Variants in PHACTR2 observed in about 807,000 individuals in gnomAD.
PHACTR2 encodes phosphatase and actin regulator 2.
In PHACTR2, 30 loss-of-function variants were observed where a neutral mutation model predicts 76.0. That is an observed-to-expected ratio of 0.39 (90% CI 0.30 to 0.54). The LOEUF is 0.54. PHACTR2 is among the 20% of genes least tolerant of loss of function. The pLI is 0.61. For missense variants in PHACTR2, 696 were observed against 781.1 expected (o/e 0.89, Z 1.30); for synonymous variants, 292 against 292.5 (o/e 1.00, Z 0.02).
In PHACTR2 at chr6:143,776,101, C is replaced by T. The variant is rs147327998; in HGVS notation, c.1590-1227C>T. ...TACCACTGCACACCAGCCTGGGCAA[C>T]AGAGTGAGACTCCATCTCAAAAAAA... On this transcript the variant is annotated intron_variant, in intron 8 of 12. Coordinates refer to ENST00000440869, the MANE Select transcript of PHACTR2 (RefSeq NM_001100164.2). The surrounding 1 kb of genome is among the most constrained non-coding windows in gnomAD (Gnocchi z 5.3). Among the ~76,000 whole-genome samples the T allele has an allele frequency of 9.1e-3, 1,388 of 152,174 alleles. 19 individuals are homozygous for T. Among genetic ancestry groups the T allele is most frequent in the African/African-American group, 0.032 (1,321 of 41,500 alleles).
rs1389386955 is a variant in PHACTR2 at position 143,608,306 on chromosome 6, A to G, written c.-4A>G. ...TACAGAACTCGCCTCGCCACTCCTG[A>G]GACATGGACAACGCCGGTGGGTAAA... On this transcript the variant is annotated 5_prime_UTR_variant, in exon 1 of 12. Transcript: ENST00000305766. The surrounding 1 kb of genome is among the most constrained non-coding windows in gnomAD (Gnocchi z 4.6). The G allele has an allele frequency of 2.5e-6, 4 of 1,614,050 alleles. No individual in the cohort carries two copies. Among genetic ancestry groups the G allele is most frequent in the Non-Finnish European group, 3.4e-6 (4 of 1,180,018 alleles).
At chr6:143,605,743 T>C (rs544931277), upstream of PHACTR2, among the ~76,000 whole-genome samples, 16 of 151,894 alleles carry the variant, frequency 1.1e-4, no homozygotes, top group Admixed American at 7.9e-4. This position sits in a 1 kb window ranked among gnomAD's most constrained non-coding sequence, Gnocchi z 5.0. Flanking sequence ...TAAGTATTTA[T>C]AGGCAAGGGA....
In PHACTR2 at chr6:143,633,351, C is replaced by G. The variant is rs778648618; in HGVS notation, c.13+25029C>G. On this transcript the variant is annotated intron_variant, in intron 1 of 11. Transcript: ENST00000305766. This position sits in a 1 kb window ranked among gnomAD's most constrained non-coding sequence, Gnocchi z 4.1. ...GTTGCTTCAATTTGCAATTCCCTAT[C>G]GGCATATGATGCTGAACATCTTTTC... Among the ~76,000 whole-genome samples the G allele has an allele frequency of 1.3e-5, 2 of 152,184 alleles. No individual in the cohort carries two copies. Among genetic ancestry groups the G allele is most frequent in the East Asian group, 3.8e-4 (2 of 5,200 alleles).
rs1461445153 is a variant in PHACTR2 at position 143,730,240 on chromosome 6, A to C, written c.214+18057A>C. Among the ~76,000 whole-genome samples the C allele has an allele frequency of 6.6e-6, 1 of 152,056 alleles. No individual in the cohort carries two copies. The highest frequency in any genetic ancestry group is 6.6e-5 in the Admixed American group (1 of 15,266). On this transcript the variant is annotated intron_variant, in intron 2 of 12. Coordinates refer to ENST00000440869, the MANE Select transcript of PHACTR2 (RefSeq NM_001100164.2). This position sits in a 1 kb window ranked among gnomAD's most constrained non-coding sequence, Gnocchi z 4.8. ...TTTTTTGGCTAGGATTTTTATTTAA[A>C]CTGCATTAAATCTATGCTGCAGTTT...
At chr6:143,573,377 AT>A (rs1321502284) in intron 1 of PHACTR2, among the ~76,000 whole-genome samples, 1 of 152,142 alleles carries the variant, frequency 6.6e-6, no homozygotes, top group Non-Finnish European at 1.5e-5. Context: ...ACTAGGTCTT[AT>A]GGAAGTTTCT....
chr6:143,570,817 G>A lies in PHACTR2; in HGVS notation c.217+33610G>A, dbSNP rs1292860043. On this transcript the variant is annotated intron_variant, in intron 1 of 11. Coordinates refer to the PHACTR2 transcript ENST00000367584. This position sits in a 1 kb window ranked among gnomAD's most constrained non-coding sequence, Gnocchi z 4.6. Reference sequence around the variant, plus strand: ...GCACACTTTTGACGGTGGAGATGCCGCTTTATTGCAAATCCCTCCCCGGAC... The same window carrying A: ...GCACACTTTTGACGGTGGAGATGCCACTTTATTGCAAATCCCTCCCCGGAC... Among the ~76,000 whole-genome samples, 3 of 152,040 alleles carry A rather than the reference G, an allele frequency of 2.0e-5. No homozygotes were observed. Among genetic ancestry groups the A allele is most frequent in the South Asian group, 2.1e-4 (1 of 4,812 alleles).
At position 143,662,681 on chromosome 6, in the gene PHACTR2, T is replaced by C. The variant is rs1776965115; in HGVS notation, c.14-49335T>C. On this transcript the variant is annotated intron_variant, in intron 1 of 11. Coordinates refer to the PHACTR2 transcript ENST00000305766. This position sits in a 1 kb window ranked among gnomAD's most constrained non-coding sequence, Gnocchi z 4.7. ...CAGTTCTTATGACTACCAGGCAGTT[T>C]TGTTTTTCATCTTGAATTGTGAATT... Among the ~76,000 whole-genome samples, 1 of 152,226 alleles carries C rather than the reference T, an allele frequency of 6.6e-6. No individual in the cohort carries two copies. The highest frequency in any genetic ancestry group is 1.9e-4 in the East Asian group (1 of 5,200).
At chr6:143,644,061 T>G (rs1041527698) in intron 1 of PHACTR2, among the ~76,000 whole-genome samples, 1 of 152,100 alleles carries the variant, frequency 6.6e-6, no homozygotes, top group African/African-American at 2.4e-5. Flanking sequence ...AAAATACAAT[T>G]TTAAGGAACC....
In PHACTR2 at chr6:143,794,063, T is replaced by TA. The variant is rs145832691; in HGVS notation, c.1845+5160dup. Among the ~76,000 whole-genome samples, 2 of 151,324 alleles carry TA rather than the reference T, an allele frequency of 1.3e-5. 1 individual carries two copies. The highest frequency in any genetic ancestry group is 4.1e-4 in the South Asian group (2 of 4,826). ...ATCTGAATATTCAAAAATGCAAAAA[T>TA]AAAAAAAGAACCACTTTAATGCACG... On this transcript the variant is annotated intron_variant, in intron 11 of 12. Coordinates refer to ENST00000440869, the MANE Select transcript of PHACTR2 (RefSeq NM_001100164.2). The surrounding 1 kb of genome is among the most constrained non-coding windows in gnomAD (Gnocchi z 4.1).
chr6:143,716,240 G>A (rs1307565019), intron 2 of PHACTR2, among the ~76,000 whole-genome samples: 1 of 152,196 alleles, frequency 6.6e-6, no homozygotes, highest in Admixed American at 6.5e-5. Flanking sequence ...GCATCCAGGT[G>A]AGCAGTATTA....
chr6:143,563,292 C>T (rs1028565201), intron 1 of PHACTR2, among the ~76,000 whole-genome samples: 17 of 151,950 alleles, frequency 1.1e-4, no homozygotes, highest in Admixed American at 6.6e-4. Context: ...AGAAGAAACC[C>T]GGGGGCTCAA....
In PHACTR2 at chr6:143,648,522, G is replaced by A. The variant is rs1776697911; in HGVS notation, c.13+40200G>A. The stretch of plus-strand genomic sequence containing the variant: ...AGAAAGGGAAGCCTGCGATGGGTGG[G>A]TTGAGTCAGGTAAGACAGAGAAGCT... On this transcript the variant is annotated intron_variant, in intron 1 of 11. Coordinates refer to the PHACTR2 transcript ENST00000305766. This position sits in a 1 kb window ranked among gnomAD's most constrained non-coding sequence, Gnocchi z 6.7. Among the ~76,000 whole-genome samples, 1 of 152,194 alleles carries A rather than the reference G, an allele frequency of 6.6e-6. No individual in the cohort carries two copies. Among genetic ancestry groups the A allele is most frequent in the South Asian group, 2.1e-4 (1 of 4,830 alleles).
chr6:143,781,574 C>T (rs1377501954), intron 9 of PHACTR2, among the ~76,000 whole-genome samples: 2 of 152,180 alleles, frequency 1.3e-5, no homozygotes. Context: ...TTTTTATCAA[C>T]AATATCAACA....
At chr6:143,614,150 A>C (rs1386668171) in intron 1 of PHACTR2, among the ~76,000 whole-genome samples, 2 of 152,106 alleles carry the variant, frequency 1.3e-5, no homozygotes, top group Admixed American at 1.3e-4. Flanking sequence ...TGAACCCGGG[A>C]GGCAGAGGTT....
intron 2 of PHACTR2, among the ~76,000 whole-genome samples, chr6:143,723,401 C>G (rs1490402325): frequency 1.3e-5 from 2 of 152,224 alleles, no homozygotes; most frequent in Admixed American, 1.3e-4. Flanking sequence ...CTTTCATGTC[C>G]TAAGAAACAC....
intron 1 of PHACTR2, among the ~76,000 whole-genome samples, chr6:143,600,779 C>T (rs2128435768): frequency 6.6e-6 from 1 of 152,326 alleles, no homozygotes; most frequent in East Asian, 1.9e-4. Flanking sequence ...AAAAGAATAG[C>T]TTTAAACATT....
At chr6:143,631,662 A>T (rs1776365126) in intron 1 of PHACTR2, among the ~76,000 whole-genome samples, 2 of 152,192 alleles carry the variant, frequency 1.3e-5, no homozygotes. Flanking sequence ...GATAATGTCC[A>T]GCTTCATTTT....
At chr6:143,732,019 C>T (rs896523272) in intron 2 of PHACTR2, among the ~76,000 whole-genome samples, 1 of 152,158 alleles carries the variant, frequency 6.6e-6, no homozygotes, top group Non-Finnish European at 1.5e-5. Context: ...TAACCAACTG[C>T]CTTATCTCCT....
intron 11 of PHACTR2, among the ~76,000 whole-genome samples, chr6:143,802,377 G>A (rs945305995): frequency 2.0e-5 from 3 of 152,024 alleles, no homozygotes; most frequent in Admixed American, 6.6e-5. Context: ...GGTGGCTCAT[G>A]GCTGTAATCC....
Sources: allele counts gnomAD v4.1 joint callset (sites outside exome capture counted in the v4.1 genomes callset), GRCh38; gene constraint gnomAD v4.1.1; non-coding constraint Gnocchi (gnomAD v3.1); transcripts MANE v1.5; gene names NCBI Gene and HGNC (gene_info 2026-07-23, HGNC 2026-07-21).